Variants in IFT88 observed in about 807,000 individuals in gnomAD.
IFT88 encodes intraflagellar transport protein 88 homolog.
IFT88 carries 74 observed loss-of-function variants against 119.5 expected under a neutral mutation model. That is an observed-to-expected ratio of 0.62 (90% CI 0.51 to 0.75). The LOEUF (loss-of-function observed/expected upper bound fraction) is 0.75, where lower values mean the gene tolerates loss of function less well. Among genes scored for constraint, IFT88 ranks in the 30% least tolerant of loss-of-function variants. The pLI is 0.00. For synonymous variants in IFT88, 279 were observed against 316.7 expected, an observed-to-expected ratio of 0.88 and a Z score of 1.26; for missense variants, 961 against 977.7, an observed-to-expected ratio of 0.98 and a Z score of 0.23.
intron 24 of IFT88, among the ~76,000 whole-genome samples, chr13:20,674,929 G>A (rs1714889497): frequency 6.6e-6 from 1 of 151,554 alleles, no homozygotes; most frequent in African/African-American, 2.4e-5. Flanking sequence ...TAGCCGGGAT[G>A]GTCTCGATCT....
At chr13:20,621,526 T>TAGAAAAA (rs2046479176) in intron 14 of IFT88, among the ~76,000 whole-genome samples, 1 of 130,746 alleles carries the variant, frequency 7.6e-6, no homozygotes, top group African/African-American at 3.2e-5. Flanking sequence ...CCTGCTGAGA[T>TAGAAAAA]AAAAAAAAAA....
chr13:20,592,380 C>A lies in IFT88; in HGVS notation c.374C>A (p.Pro125His). The A allele has an allele frequency of 6.2e-7, 1 of 1,610,804 alleles. No individual in the cohort carries two copies. The highest frequency in any genetic ancestry group is 8.5e-7 in the Non-Finnish European group (1 of 1,178,628). ...AGTCAGTCAAGGGGCCCTGCTTCCC[C>A]TTTGGAAGCCAAGAAAAAAGATAGG... ...PLSQSRGPAS[P>H]LEAKKKDSPE... is the part of the protein sequence containing the mutation. The change falls in exon 7 of 26, where the codon CCT (proline) becomes CAT (histidine). Residue 125 changes from proline to histidine, a missense_variant. By Grantham distance (77) the Pro-to-His change is moderately conservative. Transcript: ENST00000351808.
At chr13:20,667,380 G>C (rs970004162) in intron 23 of IFT88, among the ~76,000 whole-genome samples, 1 of 152,202 alleles carries the variant, frequency 6.6e-6, no homozygotes, top group African/African-American at 2.4e-5. Flanking sequence ...TCTGAGGTGG[G>C]TTGCATGTCA....
rs956914809 is a variant in IFT88, at chr13:20,607,643, T to C, written c.1112+2538T>C. 8.0e-6 allele frequency: 7 copies of C among 875,484 alleles called. No individual in the cohort carries two copies. The African/African-American group carries it at 1.1e-4, about 14-fold the overall frequency. 54.2% of individuals were successfully genotyped at this position (875,484 alleles called of 1,614,324 possible). A position where few individuals can be genotyped will look rare whatever the true frequency, so the allele number is the denominator to read the frequency against. ...ACGCTGTTTTTTTATGATCCCCACC[T>C]GGGTTCTGGTGGACCTCTCAGCTTT... On this transcript the variant is annotated intron_variant, in intron 13 of 25. Transcript: ENST00000351808.
intron 24 of IFT88, among the ~76,000 whole-genome samples, chr13:20,678,996 G>A (rs990509774): frequency 1.9e-4 from 29 of 152,108 alleles, no homozygotes; most frequent in Admixed American, 2.6e-4. Flanking sequence ...TCAGTTCCTG[G>A]CATTAGCGTC....
At chr13:20,610,609 C>G (rs1192014604) in intron 13 of IFT88, among the ~76,000 whole-genome samples, 1 of 150,806 alleles carries the variant, frequency 6.6e-6, no homozygotes, top group South Asian at 2.1e-4. Context: ...AACATCAGTT[C>G]TACATTTCTT....
At chr13:20,621,264 G>A (rs1175930542) in intron 14 of IFT88, among the ~76,000 whole-genome samples, 1 of 152,056 alleles carries the variant, frequency 6.6e-6, no homozygotes, top group African/African-American at 2.4e-5. Flanking sequence ...ACAGGATTTA[G>A]CCATACTGGC....
intron 24 of IFT88, among the ~76,000 whole-genome samples, chr13:20,672,436 A>G (rs1390395396): frequency 6.6e-6 from 1 of 152,136 alleles, no homozygotes; most frequent in Non-Finnish European, 1.5e-5. Flanking sequence ...AGCCACTTCC[A>G]TCTCTTCAGC....
chr13:20,660,204 G>T (rs150005898), intron 22 of IFT88, among the ~76,000 whole-genome samples: 1 of 152,124 alleles, frequency 6.6e-6, no homozygotes, highest in African/African-American at 2.4e-5. Context: ...GTCATGGAAC[G>T]GCTTTCTGTT....
intron 24 of IFT88, among the ~76,000 whole-genome samples, chr13:20,677,712 G>A (rs1264803364): frequency 6.6e-6 from 1 of 152,124 alleles, no homozygotes; most frequent in Non-Finnish European, 1.5e-5. Flanking sequence ...CTTAATTATT[G>A]CATCTTAATA....
At chr13:20,638,624 ACTTC>A in intron 17 of IFT88, 106 bp downstream of exon 17, 1 of 612,942 alleles carries the variant, frequency 1.6e-6, no homozygotes, top group South Asian at 6.5e-5. Flanking sequence ...GGAGGAGTTG[ACTTC>A]CTTCTAACGG....
intron 13 of IFT88, among the ~76,000 whole-genome samples, chr13:20,614,014 A>G (rs956983663): frequency 1.3e-5 from 2 of 152,214 alleles, no homozygotes; most frequent in African/African-American, 4.8e-5. Flanking sequence ...AAATGTTTCA[A>G]AAGTGATTGT....
At chr13:20,587,130 A>G (rs2039816733) in intron 3 of IFT88, among the ~76,000 whole-genome samples, 1 of 152,222 alleles carries the variant, frequency 6.6e-6, no homozygotes. Context: ...TAATGTCCCA[A>G]ATGCATTCTT....
intron 15 of IFT88, among the ~76,000 whole-genome samples, 190 bp downstream of exon 15, chr13:20,626,039 GTTTC>G (rs1566249738): frequency 6.4e-5 from 4 of 62,458 alleles, no homozygotes; most frequent in Non-Finnish European, 1.2e-4. Context: ...CCTGTTTGTC[GTTTC>G]TTTTTTTTTT....
intron 19 of IFT88, among the ~76,000 whole-genome samples, chr13:20,644,542 C>A (rs978985650): frequency 4.6e-5 from 7 of 151,560 alleles, no homozygotes. Flanking sequence ...AAAGAAGTAC[C>A]AGTTCATTTT....
chr13:20,645,005 GT>G (rs1367262170), intron 20 of IFT88, 47 bp downstream of exon 20: 2 of 871,360 alleles, frequency 2.3e-6, no homozygotes, highest in South Asian at 3.2e-5. Context: ...CATGTCTTGA[GT>G]TTTTTTAATC....
intron 1 of IFT88, among the ~76,000 whole-genome samples, chr13:20,573,703 CATT>C (rs1267862735): frequency 6.6e-6 from 1 of 152,170 alleles, no homozygotes; most frequent in African/African-American, 2.4e-5. Flanking sequence ...TTTTTGCTGA[CATT>C]ATGTGTTGTT....
chr13:20,661,887 A>T (rs2053862024), intron 22 of IFT88, among the ~76,000 whole-genome samples: 1 of 152,080 alleles, frequency 6.6e-6, no homozygotes, highest in Non-Finnish European at 1.5e-5. Context: ...AACCCCAGGA[A>T]ATCCCGGGAA....
At chr13:20,662,393 A>G (rs142263278) in intron 22 of IFT88, among the ~76,000 whole-genome samples, 8,237 of 152,268 alleles carry the variant, frequency 0.054, 345 homozygotes, top group Non-Finnish European at 0.08. Flanking sequence ...AGCTGGTACC[A>G]TTCCTTCTGA....
Sources: allele counts gnomAD v4.1 joint callset (sites outside exome capture counted in the v4.1 genomes callset), GRCh38; gene constraint gnomAD v4.1.1; transcripts MANE v1.5; gene names NCBI Gene and HGNC (gene_info 2026-07-23, HGNC 2026-07-21).